The following RPS6KA6 variants were observed in gnomAD, a reference collection of about 807,000 sequenced individuals.
The protein encoded by RPS6KA6 is ribosomal protein S6 kinase alpha-6.
In RPS6KA6, 27 loss-of-function variants were observed where a neutral mutation model predicts 65.4. The observed-to-expected ratio is 0.41, with a 90% CI of 0.30 to 0.57. The LOEUF (loss-of-function observed/expected upper bound fraction) is 0.57, where lower values mean the gene tolerates loss of function less well. RPS6KA6 is among the 20% of genes least tolerant of loss of function. The pLI, the probability that RPS6KA6 is intolerant of heterozygous loss-of-function variation, is 0.24. For missense variants in RPS6KA6, 486 were observed against 555.6 expected, an observed-to-expected ratio of 0.87 and a Z score of 1.26; for synonymous variants, 190 against 184.2, an observed-to-expected ratio of 1.03 and a Z score of -0.26.
chrX:84,184,916 TATG>T (rs1484759736), intron 1 of RPS6KA6, among the ~76,000 whole-genome samples: 8 of 108,996 alleles, frequency 7.3e-5, no homozygotes, highest in African/African-American at 2.7e-4. Context: ...ACACGTTTAC[TATG>T]ATATGAAATG....
chrX:84,067,667 G>T (rs1003357569), intron 20 of RPS6KA6, among the ~76,000 whole-genome samples: 5 of 111,872 alleles, frequency 4.5e-5, no homozygotes, highest in African/African-American at 1.6e-4. Context: ...GTGATGGGGA[G>T]AATGGAACCA....
chrX:84,158,031 A>T (rs1039780458), intron 2 of RPS6KA6, among the ~76,000 whole-genome samples: 2 of 109,503 alleles, frequency 1.8e-5, no homozygotes, highest in Non-Finnish European at 3.8e-5. Flanking sequence ...GTGTCCGAAC[A>T]ACTAATTACC....
chrX:84,086,039 T>C (rs771821480), intron 20 of RPS6KA6, among the ~76,000 whole-genome samples: 8 of 111,693 alleles, frequency 7.2e-5, no homozygotes, highest in African/African-American at 2.0e-4. Flanking sequence ...ATTGTGTCTA[T>C]TGTCTATTTG....
chrX:84,066,409 C>T (rs1005738674), intron 20 of RPS6KA6, among the ~76,000 whole-genome samples: 5 of 106,517 alleles, frequency 4.7e-5, no homozygotes, highest in African/African-American at 1.7e-4. Context: ...ACTGCGACAA[C>T]TGAACTTGGT....
chrX:84,150,986 T>G (rs113560191), intron 3 of RPS6KA6, among the ~76,000 whole-genome samples: 5 of 88,078 alleles, frequency 5.7e-5, no homozygotes, highest in African/African-American at 7.8e-5. Context: ...AGGATATATA[T>G]ATAGAGGATA....
chrX:84,103,935 A>C (rs898386161), intron 17 of RPS6KA6, among the ~76,000 whole-genome samples: 3 of 110,274 alleles, frequency 2.7e-5, no homozygotes, highest in African/African-American at 9.8e-5. Flanking sequence ...ATTACTCCCT[A>C]CTTTGTTTTT....
chrX:84,172,617 T>A (rs1373366514), intron 1 of RPS6KA6, among the ~76,000 whole-genome samples: 1 of 111,688 alleles, frequency 9.0e-6, no homozygotes, highest in South Asian at 3.7e-4. Flanking sequence ...CTTCAGGGTA[T>A]AGAACCAAAA....
intron 1 of RPS6KA6, among the ~76,000 whole-genome samples, chrX:84,182,620 T>C (rs1020351987): frequency 8.9e-6 from 1 of 111,779 alleles, no homozygotes; most frequent in Admixed American, 9.5e-5. Context: ...TGATTAGCTC[T>C]CTTGATGAAC....
chrX:84,164,459 C>T (rs1377734008), intron 1 of RPS6KA6, 72 bp from the exon 2 acceptor site: 2 of 720,017 alleles, frequency 2.8e-6, no homozygotes, highest in Non-Finnish European at 4.3e-6. Flanking sequence ...AAAATATAAC[C>T]CTAGGCATTT....
chrX:84,134,013 A>G (rs769805353), intron 8 of RPS6KA6, among the ~76,000 whole-genome samples: 1 of 112,312 alleles, frequency 8.9e-6, no homozygotes, highest in Non-Finnish European at 1.9e-5. Context: ...AATTATCTGT[A>G]AAGACTACAT....
At chrX:84,107,061 T>C (rs2034374111) in intron 13 of RPS6KA6, 21 bp from the exon 14 acceptor site, 1 of 1,170,374 alleles carries the variant, frequency 8.5e-7, no homozygotes, top group Non-Finnish European at 1.2e-6. Context: ...AATAATTACA[T>C]TTAATTATAA....
rs2033276427 is a variant in RPS6KA6 at position 84,060,006 on chromosome X, A to G, written c.*4271T>C. The G allele has an allele frequency of 1.8e-5, 2 of 111,976 alleles. No homozygotes were observed. Among genetic ancestry groups the G allele is most frequent in the South Asian group, 7.3e-4 (2 of 2,753 alleles). The allele number at this position is 111,976 out of a possible 1,213,427, so 9.2% of individuals were successfully genotyped here. A position where few individuals can be genotyped will look rare whatever the true frequency, so the allele number is the denominator to read the frequency against. On this transcript the variant is annotated 3_prime_UTR_variant, in exon 22 of 22. Transcript: ENST00000262752. ...ATAGTTCCCTTTTCTCTTATGTATT[A>G]GCAACCAAACTGAATTTTAGGTGAT...
At chrX:84,186,631 T>C (rs1314999864) in intron 1 of RPS6KA6, 1 of 111,072 alleles carries the variant, frequency 9.0e-6, no homozygotes, top group East Asian at 2.8e-4. Context: ...GTTTAGTTGA[T>C]AAATAACAAA....
chrX:84,182,774 C>T (rs1048128614), intron 1 of RPS6KA6, among the ~76,000 whole-genome samples: 3 of 111,681 alleles, frequency 2.7e-5, no homozygotes, highest in African/African-American at 9.8e-5. Context: ...TCTGACTCCT[C>T]CCCGCTTGTC....
At chrX:84,184,126 C>T (rs1430626799) in intron 1 of RPS6KA6, among the ~76,000 whole-genome samples, 4 of 112,525 alleles carry the variant, frequency 3.6e-5, no homozygotes, top group Non-Finnish European at 7.5e-5. Context: ...TATCCTTCCA[C>T]TGTTTCTAAA....
chrX:84,089,857 T>C (rs1250897370), intron 20 of RPS6KA6, among the ~76,000 whole-genome samples: 1 of 112,216 alleles, frequency 8.9e-6, no homozygotes, highest in Non-Finnish European at 1.9e-5. Flanking sequence ...TTCACTGCTC[T>C]CCATGAAAGC....
At chrX:84,114,924 G>A (rs1462386119) in intron 12 of RPS6KA6, among the ~76,000 whole-genome samples, 7 of 111,505 alleles carry the variant, frequency 6.3e-5, no homozygotes, top group Admixed American at 5.7e-4. Context: ...GAATAAAACT[G>A]GACCCCTATC....
intron 2 of RPS6KA6, among the ~76,000 whole-genome samples, chrX:84,164,109 T>C (rs777365389): frequency 8.9e-6 from 1 of 112,255 alleles, no homozygotes; most frequent in African/African-American, 3.2e-5. Context: ...GTAAATTATG[T>C]CTCAATAAAG....
At chrX:84,097,954 A>C in intron 18 of RPS6KA6, 106 bp from the exon 19 acceptor site, 1 of 570,278 alleles carries the variant, frequency 1.8e-6, no homozygotes, top group Non-Finnish European at 2.8e-6. Context: ...ATAATATAAA[A>C]ACTTCAATCA....
Sources: gnomAD v4.1 joint callset for allele counts (sites outside exome capture counted in the v4.1 genomes callset) on GRCh38, gnomAD v4.1.1 for gene constraint, MANE v1.5 for transcripts, NCBI Gene and HGNC (gene_info 2026-07-23, HGNC 2026-07-21) for gene names.